Variants in CDH8 observed in about 807,000 individuals in gnomAD.
The protein encoded by CDH8 is cadherin-8.
CDH8 carries 17 observed loss-of-function variants against 68.1 expected under a neutral mutation model. That is an observed-to-expected ratio of 0.25 (90% CI 0.17 to 0.37). The LOEUF is 0.37. CDH8 is among the 10% of genes least tolerant of loss of function. CDH8 has a pLI of 1.00. For synonymous variants in CDH8, 372 were observed against 365.1 expected (o/e 1.02, Z -0.21); for missense variants, 763 against 999.3 (o/e 0.76, Z 3.19).
At chr16:61,917,105 G>C (rs1316066518) in intron 2 of CDH8, among the ~76,000 whole-genome samples, 1 of 129,660 alleles carries the variant, frequency 7.7e-6, no homozygotes, top group Non-Finnish European at 1.6e-5. Flanking sequence ...GTGTGTGTGT[G>C]TATGATGTCT....
chr16:61,982,206 G>T (rs925204729), intron 2 of CDH8, among the ~76,000 whole-genome samples: 2 of 152,058 alleles, frequency 1.3e-5, no homozygotes, highest in Admixed American at 6.6e-5. Context: ...CTCTTTAGCT[G>T]TGAGACATTA....
rs1423555121 is a variant in CDH8 at position 61,652,578 on chromosome 16, T to C, written c.*1030A>G. On this transcript the variant is annotated 3_prime_UTR_variant, in exon 12 of 12. Coordinates refer to ENST00000577390, the MANE Select transcript of CDH8 (RefSeq NM_001796.5). Reference sequence around the variant, plus strand: ...AGACTATTAGCTCTCCTTTCGATAATATTGCCTGCCATACTCATCTCATCA... The same window carrying C: ...AGACTATTAGCTCTCCTTTCGATAACATTGCCTGCCATACTCATCTCATCA... The C allele has an allele frequency of 9.4e-7, 1 of 1,061,828 alleles. No homozygotes were observed. Among genetic ancestry groups the C allele is most frequent in the Non-Finnish European group, 1.1e-6 (1 of 871,356 alleles). The allele number at this position is 1,061,828 out of a possible 1,614,324, so 65.8% of individuals were successfully genotyped here.
chr16:61,930,270 A>AACATACAC (rs544860687), intron 2 of CDH8, among the ~76,000 whole-genome samples: 1 of 144,260 alleles, frequency 6.9e-6, no homozygotes, highest in African/African-American at 2.5e-5. Flanking sequence ...AAAGTTAGAA[A>AACATACAC]ACACACACAC....
rs139044085 is a variant in CDH8 at position 61,673,998 on chromosome 16, T to G, written c.1655-18277A>C. Among the ~76,000 whole-genome samples, 90 of 152,146 alleles carry G rather than the reference T, an allele frequency of 5.9e-4. 2 individuals are homozygous for G. In the East Asian group the frequency reaches 0.015, roughly 26 times the overall value. On this transcript the variant is annotated intron_variant, in intron 10 of 11. Transcript: ENST00000577390. Reference sequence around the variant, plus strand: ...CCAGAACAACTACTGGGATAAAATATCAACTGTGGAAATATATGTTGAATG... The same window carrying G: ...CCAGAACAACTACTGGGATAAAATAGCAACTGTGGAAATATATGTTGAATG...
chr16:61,969,968 C>G (rs982815942), intron 2 of CDH8, among the ~76,000 whole-genome samples: 5 of 152,182 alleles, frequency 3.3e-5, no homozygotes, highest in Admixed American at 6.5e-5. Flanking sequence ...TAACCTCCTT[C>G]GCTGCTATGT....
intron 2 of CDH8, among the ~76,000 whole-genome samples, chr16:61,974,033 G>A (rs1416730017): frequency 6.6e-6 from 1 of 151,630 alleles, no homozygotes; most frequent in Non-Finnish European, 1.5e-5. Flanking sequence ...GTGTAGGTCT[G>A]ATTAGTCCCA....
chr16:61,976,042 T>C (rs764841041), intron 2 of CDH8, among the ~76,000 whole-genome samples: 3 of 152,166 alleles, frequency 2.0e-5, no homozygotes, highest in Non-Finnish European at 2.9e-5. Context: ...CATAATTGAC[T>C]GAAGAGTCAA....
At position 61,987,229 on chromosome 16, in the gene CDH8, GC is replaced by G. The variant is rs1311707681; in HGVS notation, c.252+33922del. ...CTTTAAAATAATCCTTAGAGGCCAG[GC>G]CCGTGGCTCACACCTGCAATCCTAG... is the stretch of plus-strand genomic sequence containing the variant. On this transcript the variant is annotated intron_variant, in intron 2 of 11. Transcript: ENST00000577390. Among the ~76,000 whole-genome samples the G allele has an allele frequency of 2.6e-5, 4 of 152,042 alleles. No individual in the cohort carries two copies. The East Asian group carries it at 7.7e-4, about 29-fold the overall frequency.
rs1295495119 is a variant in CDH8, at chr16:61,647,355, T to A, written c.*6253A>T. The A allele has an allele frequency of 7.0e-6, 1 of 143,550 alleles. No individual in the cohort carries two copies. Among genetic ancestry groups the A allele is most frequent in the Non-Finnish European group, 1.5e-5 (1 of 66,796 alleles). 8.9% of individuals were successfully genotyped at this position (143,550 alleles called of 1,614,324 possible). ...GAGCCAAAAACATCCATTCACATAC[T>A]CAACAATCAGACTTGACAAAGATGA... On this transcript the variant is annotated 3_prime_UTR_variant, in exon 12 of 12. Transcript: ENST00000577390.
intron 2 of CDH8, among the ~76,000 whole-genome samples, chr16:61,976,087 T>G (rs1257476224): frequency 6.6e-6 from 1 of 152,168 alleles, no homozygotes; most frequent in African/African-American, 2.4e-5. Context: ...AACACTCCTT[T>G]TCTACTAAAG....
chr16:61,679,416 A>AT (rs994824458), intron 10 of CDH8, among the ~76,000 whole-genome samples: 12 of 152,060 alleles, frequency 7.9e-5, no homozygotes, highest in Admixed American at 3.3e-4. Context: ...CAATGGAACA[A>AT]TTTTTTTGAA....
intron 7 of CDH8, among the ~76,000 whole-genome samples, chr16:61,807,171 A>G (rs1961806042): frequency 6.6e-6 from 1 of 151,468 alleles, no homozygotes; most frequent in South Asian, 2.1e-4. Context: ...TGTTCTTTGT[A>G]GGGACATGGA....
At chr16:61,726,695 C>T (rs1959380132) in intron 9 of CDH8, 1 of 259,108 alleles carries the variant, frequency 3.9e-6, no homozygotes, top group Non-Finnish European at 7.2e-6. Context: ...TTGGGTTTCA[C>T]TATTATTTGG....
intron 7 of CDH8, among the ~76,000 whole-genome samples, chr16:61,810,422 T>A (rs1444539906): frequency 6.6e-6 from 1 of 152,058 alleles, no homozygotes; most frequent in Non-Finnish European, 1.5e-5. Context: ...ATTATTCCTC[T>A]AAGGAAAAGA....
chr16:61,817,281 C>G (rs190017710), intron 7 of CDH8, among the ~76,000 whole-genome samples, 198 bp downstream of exon 7: 1 of 151,366 alleles, frequency 6.6e-6, no homozygotes, highest in Admixed American at 6.6e-5. Flanking sequence ...CTCTATGTAG[C>G]ACTTAGTAGG....
chr16:61,804,291 C>T (rs1961743483), intron 7 of CDH8, among the ~76,000 whole-genome samples: 1 of 151,894 alleles, frequency 6.6e-6, no homozygotes, highest in South Asian at 2.1e-4. Context: ...ACACAACATA[C>T]CAGAATCTCT....
chr16:61,936,465 T>C (rs1029310527), intron 2 of CDH8, among the ~76,000 whole-genome samples: 4 of 152,180 alleles, frequency 2.6e-5, no homozygotes, highest in Admixed American at 1.3e-4. Flanking sequence ...TCATTAGTTT[T>C]CTAACAAGAT....
At chr16:61,901,152 G>A in intron 3 of CDH8, 27 bp downstream of exon 3, 1 of 1,592,396 alleles carries the variant, frequency 6.3e-7, no homozygotes, top group South Asian at 1.1e-5. Flanking sequence ...ACTTTTAATA[G>A]ATCTGTGAAA....
chr16:61,686,480 T>C (rs2142817676), intron 10 of CDH8, among the ~76,000 whole-genome samples: 1 of 152,104 alleles, frequency 6.6e-6, no homozygotes, highest in Admixed American at 6.6e-5. Flanking sequence ...CAAGTGGTAC[T>C]TTTTAAGTGC....
Sources: gnomAD v4.1 joint callset for allele counts (sites outside exome capture counted in the v4.1 genomes callset) on GRCh38, gnomAD v4.1.1 for gene constraint, MANE v1.5 for transcripts, NCBI Gene and HGNC (gene_info 2026-07-23, HGNC 2026-07-21) for gene names.